Variants in COL4A2 observed in about 807,000 individuals in gnomAD.
COL4A2 encodes the protein collagen alpha-2(IV) chain.
COL4A2 carries 99 observed loss-of-function variants against 200.2 expected under a neutral mutation model. The ratio of observed to expected loss-of-function variants is 0.49; its 90% CI spans 0.42 to 0.58. COL4A2 has a LOEUF of 0.58. Ranked by LOEUF, COL4A2 falls within the 20% of genes least tolerant of loss-of-function variation. The probability of loss-of-function intolerance (pLI) is 0.00; values close to 1 mark genes in which losing one functional copy is unlikely to be tolerated. For synonymous variants in COL4A2, 897 were observed against 900.6 expected (o/e 1.00, Z 0.07); for missense variants, 1,950 against 2,314.1 (o/e 0.84, Z 3.23).
intron 3 of COL4A2, among the ~76,000 whole-genome samples, chr13:110,343,744 A>G (rs973607409): frequency 8.5e-5 from 13 of 152,238 alleles, no homozygotes; most frequent in Non-Finnish European, 1.5e-5. Flanking sequence ...CACCAACCAG[A>G]ACAGAAATCT....
intron 22 of COL4A2, 143 bp downstream of exon 22, chr13:110,459,077 A>C: frequency 1.2e-6 from 1 of 801,848 alleles, no homozygotes; most frequent in Non-Finnish European, 1.8e-6. Flanking sequence ...CCATTCTAAA[A>C]ACCCACATAC....
intron 4 of COL4A2, among the ~76,000 whole-genome samples, chr13:110,365,110 G>A (rs1191090988): frequency 1.3e-5 from 2 of 151,862 alleles, no homozygotes; most frequent in Non-Finnish European, 2.9e-5. Context: ...TGTGTTAGGG[G>A]CCAAGTTTCC....
chr13:110,382,057 C>T (rs1343441749), intron 4 of COL4A2, among the ~76,000 whole-genome samples: 1 of 152,126 alleles, frequency 6.6e-6, no homozygotes, highest in Non-Finnish European at 1.5e-5. Context: ...TCATTTGTGT[C>T]CTACTGCTGT....
At chr13:110,465,097 C>G (rs1206529350) in intron 24 of COL4A2, among the ~76,000 whole-genome samples, 1 of 152,230 alleles carries the variant, frequency 6.6e-6, no homozygotes, top group Non-Finnish European at 1.5e-5. Context: ...AAGCCTGTGC[C>G]TTCGCTGTTC....
At chr13:110,436,247 G>A (rs1414098182) in intron 12 of COL4A2, 22 bp from the exon 13 acceptor site, 6 of 1,613,384 alleles carry the variant, frequency 3.7e-6, no homozygotes, top group Non-Finnish European at 5.1e-6. Flanking sequence ...AAAGACAACT[G>A]CTTTTGCTTA....
chr13:110,474,503 C>T (rs919099544), intron 29 of COL4A2, among the ~76,000 whole-genome samples: 2 of 152,166 alleles, frequency 1.3e-5, no homozygotes, highest in Non-Finnish European at 2.9e-5. Flanking sequence ...ATGGGTGCCA[C>T]AGTTCACTGA....
intron 39 of COL4A2, 29 bp downstream of exon 39, chr13:110,493,311 C>T: frequency 6.2e-7 from 1 of 1,612,392 alleles, no homozygotes; most frequent in Non-Finnish European, 8.5e-7. Context: ...GCCCCGAGTC[C>T]CACGCAGAGG....
At chr13:110,426,989 G>A (rs1880493138) in intron 6 of COL4A2, among the ~76,000 whole-genome samples, 1 of 152,178 alleles carries the variant, frequency 6.6e-6, no homozygotes, top group African/African-American at 2.4e-5. Context: ...TGAGCCTGTT[G>A]GATCTCTCAT....
At chr13:110,360,292 G>T (rs768775896) in intron 4 of COL4A2, among the ~76,000 whole-genome samples, 2 of 152,232 alleles carry the variant, frequency 1.3e-5, no homozygotes, top group African/African-American at 2.4e-5. Flanking sequence ...CTGAGTAGAG[G>T]TGACCGGATC....
chr13:110,328,238 A>G (rs1218068259), intron 3 of COL4A2: 1 of 152,240 alleles, frequency 6.6e-6, no homozygotes, highest in African/African-American at 2.4e-5. Context: ...TTCGTCCTGA[A>G]GAGCCTCTGT....
chr13:110,394,834 T>C (rs1410606482), intron 4 of COL4A2, among the ~76,000 whole-genome samples: 1 of 152,176 alleles, frequency 6.6e-6, no homozygotes, highest in Non-Finnish European at 1.5e-5. Context: ...TTTGCTCAGA[T>C]CCCCTGGCCA....
At chr13:110,469,104 G>A in intron 27 of COL4A2, 113 bp from the exon 28 acceptor site, 2 of 1,219,734 alleles carry the variant, frequency 1.6e-6, no homozygotes, top group South Asian at 1.4e-5. Context: ...ATTCCCCCCA[G>A]CCTCATCATT....
chr13:110,338,931 G>T (rs569338878), intron 3 of COL4A2, among the ~76,000 whole-genome samples: 2 of 152,200 alleles, frequency 1.3e-5, no homozygotes, highest in African/African-American at 2.4e-5. Context: ...ACAATGTTTG[G>T]AAGAGTCGTA....
chr13:110,510,646 TTG>T (rs71722431), intron 47 of COL4A2, among the ~76,000 whole-genome samples: 17,646 of 152,102 alleles, frequency 0.12, 1,442 homozygotes, highest in East Asian at 0.41. Context: ...ATGCGTGCAT[TTG>T]TGTGTGTGCA....
intron 3 of COL4A2, among the ~76,000 whole-genome samples, chr13:110,351,782 C>T (rs1372972146): frequency 6.6e-6 from 1 of 152,154 alleles, no homozygotes; most frequent in Non-Finnish European, 1.5e-5. Context: ...GGACTGCCTG[C>T]AGGTCCTCAG....
intron 27 of COL4A2, chr13:110,468,340 T>C (rs923857224): frequency 2.1e-6 from 1 of 468,676 alleles, no homozygotes; most frequent in Non-Finnish European, 4.4e-6. Context: ...TCCATGGATT[T>C]CAACACCGTC....
At chr13:110,317,995 C>G (rs1885185471) in intron 3 of COL4A2, among the ~76,000 whole-genome samples, 1 of 152,160 alleles carries the variant, frequency 6.6e-6, no homozygotes, top group Non-Finnish European at 1.5e-5. Context: ...CGTGTTTGTG[C>G]TGCTGTTTTT....
intron 4 of COL4A2, among the ~76,000 whole-genome samples, chr13:110,398,550 T>A (rs1473213578): frequency 3.9e-5 from 6 of 152,024 alleles, no homozygotes; most frequent in African/African-American, 1.4e-4. Flanking sequence ...GGTTTTAGAT[T>A]TTAGTGGTGG....
chr13:110,357,485 T>A lies in COL4A2; in HGVS notation c.113T>A (p.Phe38Tyr). ...TTATTGTTGCAGGGTGTGAAGAAGT[T>A]TGATGTGCCGTGTGGAGGAAGAGAT... ...AQSVLAGVKK[F>Y]DVPCGGRDCS... is the part of the protein sequence containing the mutation. Residue 38 changes from phenylalanine to tyrosine, a missense_variant, in exon 4 of 48, where the codon TTT (phenylalanine) becomes TAT (tyrosine). Around this residue, in one of 2 missense-constraint regions of COL4A2, gnomAD observed 565 missense variants for 593.5 expected, o/e 0.95. Coordinates refer to ENST00000360467, the MANE Select transcript of COL4A2 (RefSeq NM_001846.4). 6.3e-7 allele frequency: 1 copy of A among 1,592,104 alleles called. No homozygotes were observed. The highest frequency in any genetic ancestry group is 1.1e-5 in the South Asian group (1 of 87,650).
Sources: allele counts gnomAD v4.1 joint callset (sites outside exome capture counted in the v4.1 genomes callset), GRCh38; gene constraint gnomAD v4.1.1; regional missense constraint gnomAD v4.1.1; transcripts MANE v1.5; gene names NCBI Gene and HGNC (gene_info 2026-07-23, HGNC 2026-07-21).